Variants in TNRC6B observed in about 807,000 individuals in gnomAD.
The protein encoded by TNRC6B is trinucleotide repeat containing adaptor 6B, also known as trinucleotide repeat-containing gene 6B protein.
TNRC6B carries 52 observed loss-of-function variants against 203.6 expected under a neutral mutation model. The observed-to-expected ratio is 0.26, with a 90% CI of 0.20 to 0.32. TNRC6B has a LOEUF of 0.32. Among genes scored for constraint, TNRC6B ranks in the 10% least tolerant of loss-of-function variants. TNRC6B has a pLI of 1.00. For synonymous variants in TNRC6B, 838 were observed against 845.7 expected (o/e 0.99, Z 0.16); for missense variants, 1,923 against 2,286.2 (o/e 0.84, Z 3.24).
intron 2 of TNRC6B, among the ~76,000 whole-genome samples, chr22:40,250,388 C>T (rs1159119497): frequency 6.6e-6 from 1 of 152,166 alleles, no homozygotes; most frequent in Non-Finnish European, 1.5e-5. Context: ...AAGTCCATTA[C>T]TATGTTCAGC....
At chr22:40,194,369 C>T (rs2069310692) in intron 1 of TNRC6B, among the ~76,000 whole-genome samples, 1 of 152,122 alleles carries the variant, frequency 6.6e-6, no homozygotes, top group African/African-American at 2.4e-5. Context: ...GAAGTGACCC[C>T]GATGGCCTCG....
intron 1 of TNRC6B, among the ~76,000 whole-genome samples, chr22:40,192,800 G>A (rs191354921): frequency 6.6e-6 from 1 of 152,300 alleles, no homozygotes; most frequent in East Asian, 1.9e-4. Flanking sequence ...GGGATGAACA[G>A]CAGGGGTAGA....
rs1555884426 is a variant in TNRC6B, at chr22:40,130,779, T to TCAAA, written c.45+4917_45+4918insCAAA. On this transcript the variant is annotated intron_variant, in intron 3 of 23. Transcript: ENST00000301923. ...GCCTGGGCGACAGGGAGACTCCGTC[T>TCAAA]AAAAAAAAAAAAAAAAAAAAAAAAT... Among the ~76,000 whole-genome samples the TCAAA allele has an allele frequency of 2.7e-3, 178 of 65,018 alleles. 47 individuals are homozygous for TCAAA. Among genetic ancestry groups the TCAAA allele is most frequent in the African/African-American group, 0.011 (160 of 15,234 alleles). 42.7% of individuals were successfully genotyped at this position (65,018 alleles called of 152,430 possible). A position where few individuals can be genotyped will look rare whatever the true frequency, so the allele number is the denominator to read the frequency against.
chr22:40,084,145 AG>A (rs1215544498), intron 1 of TNRC6B, among the ~76,000 whole-genome samples: 1 of 152,234 alleles, frequency 6.6e-6, no homozygotes, highest in Non-Finnish European at 1.5e-5. Context: ...GGTTCTTGCA[AG>A]TAAGTGATTA....
chr22:40,316,279 G>A (rs575754966), intron 21 of TNRC6B, among the ~76,000 whole-genome samples: 21 of 151,868 alleles, frequency 1.4e-4, no homozygotes, highest in South Asian at 4.2e-4. Context: ...GCGTGAACCC[G>A]GGAGGCGGAG....
intron 1 of TNRC6B, among the ~76,000 whole-genome samples, chr22:40,202,260 G>GTTTTTGTTTTTTTGTTTTTTT (rs761983025): frequency 7.7e-6 from 1 of 129,778 alleles, no homozygotes. Flanking sequence ...TTGTTTTTTT[G>GTTTTTGTTTTTTTGTTTTTTT]TTTTTTTTTT....
chr22:40,307,203 C>G (rs2071097976), intron 15 of TNRC6B, among the ~76,000 whole-genome samples: 1 of 152,248 alleles, frequency 6.6e-6, no homozygotes, highest in African/African-American at 2.4e-5. Flanking sequence ...CTATCCCAGA[C>G]AACTAGGATA....
rs200861275 is a variant in TNRC6B at position 40,075,137 on chromosome 22, C to CATATATATATATATAT, written c.-121+30144_-121+30159dup. On this transcript the variant is annotated intron_variant, in intron 1 of 23. Transcript: ENST00000301923. The stretch of plus-strand genomic sequence containing the variant: ...AGCCAAGTTGATTGTTGGTTCTGTT[C>CATATATATATATATAT]ATATATATATATATATATATTTTTT... Among the ~76,000 whole-genome samples the CATATATATATATATAT allele has an allele frequency of 3.5e-4, 21 of 59,790 alleles. 1 individual carries two copies. Among genetic ancestry groups the CATATATATATATATAT allele is most frequent in the South Asian group, 1.4e-3 (2 of 1,472 alleles). 39.2% of individuals were successfully genotyped at this position (59,790 alleles called of 152,430 possible).
chr22:40,262,098 A>G lies in TNRC6B; in HGVS notation c.382A>G (p.Thr128Ala). 1 of 1,545,796 alleles carries G rather than the reference A, an allele frequency of 6.5e-7. No individual in the cohort carries two copies. The highest frequency in any genetic ancestry group is 8.8e-7 in the Non-Finnish European group (1 of 1,132,098). ...LGGGAGPPPCTAPGANPNNAQ... is the reference protein window; with the variant it reads ...LGGGAGPPPCAAPGANPNNAQ... ...GGGTGGGGCAGGGCCTCCTCCCTGC[A>G]CAGCACCTGGAGCAAACCCAAACAA... Residue 128 changes from threonine (T) to alanine (A), a missense_variant, in exon 4 of 23, where the codon ACA becomes GCA. Physicochemically the swap from Thr to Ala is moderately conservative, Grantham distance 58 (BLOSUM62 0). This residue lies in a region of TNRC6B where 614 missense variants were observed against 587.7 expected (regional missense o/e 1.04). Coordinates refer to ENST00000454349, the MANE Select transcript of TNRC6B (RefSeq NM_001162501.2).
intron 1 of TNRC6B, among the ~76,000 whole-genome samples, chr22:40,208,639 G>T (rs934115519): frequency 6.6e-6 from 1 of 152,134 alleles, no homozygotes; most frequent in Non-Finnish European, 1.5e-5. Context: ...GGAAAGGTGG[G>T]ATTATACAGG....
Position 40,329,707 on chromosome 22 carries a change from G to C in TNRC6B, c.*6466G>C, listed in dbSNP as rs907574825. ...CTGCCCGCATGCGTGTGGCCACCGG[G>C]ACCAGATCCCGAGTGATTGTGGCAT... On this transcript the variant is annotated 3_prime_UTR_variant, in exon 23 of 23. Transcript: ENST00000454349. 1 of 152,104 alleles carries C rather than the reference G, an allele frequency of 6.6e-6. No individual in the cohort carries two copies. The highest frequency in any genetic ancestry group is 1.5e-5 in the Non-Finnish European group (1 of 68,024). The allele number at this position is 152,104 out of a possible 1,614,324, so 9.4% of individuals were successfully genotyped here.
At chr22:40,150,239 G>A (rs1341028974) in intron 3 of TNRC6B, among the ~76,000 whole-genome samples, 1 of 152,136 alleles carries the variant, frequency 6.6e-6, no homozygotes, top group Non-Finnish European at 1.5e-5. Context: ...TTAGCCAGGC[G>A]TGGTCGTGGG....
chr22:40,112,123 G>A (rs2146313771), intron 1 of TNRC6B, among the ~76,000 whole-genome samples: 1 of 152,142 alleles, frequency 6.6e-6, no homozygotes, highest in Admixed American at 6.5e-5. Context: ...CAAAAGGATG[G>A]GTGTGTAATA....
At chr22:40,243,336 G>A (rs1012482625) in intron 1 of TNRC6B, among the ~76,000 whole-genome samples, 1 of 152,128 alleles carries the variant, frequency 6.6e-6, no homozygotes, top group Non-Finnish European at 1.5e-5. Context: ...TTCTTCCTAA[G>A]GAAGTGAAAT....
At chr22:40,269,340 G>C (rs1269826247) in intron 5 of TNRC6B, among the ~76,000 whole-genome samples, 3 of 151,674 alleles carry the variant, frequency 2.0e-5, no homozygotes, top group Non-Finnish European at 2.9e-5. Context: ...TGCCATGTGG[G>C]TCTGGCTAGT....
intron 7 of TNRC6B, among the ~76,000 whole-genome samples, 196 bp downstream of exon 7, chr22:40,273,796 A>C (rs1485454645): frequency 6.6e-6 from 1 of 152,114 alleles, no homozygotes; most frequent in African/African-American, 2.4e-5. Context: ...TAGTAGCCGG[A>C]ACTATCACCA....
intron 1 of TNRC6B, among the ~76,000 whole-genome samples, chr22:40,094,812 G>A (rs1209580469): frequency 6.6e-6 from 1 of 152,168 alleles, no homozygotes; most frequent in Non-Finnish European, 1.5e-5. Context: ...TTCTGCAGGT[G>A]CTTTTTGAAA....
chr22:40,069,779 C>T (rs531601799), intron 1 of TNRC6B, among the ~76,000 whole-genome samples: 3 of 152,232 alleles, frequency 2.0e-5, no homozygotes, highest in South Asian at 2.1e-4. Flanking sequence ...TGAGGCACTG[C>T]GCCCGGCCGA....
upstream of TNRC6B, among the ~76,000 whole-genome samples, chr22:40,175,913 A>T (rs1383342709): frequency 1.3e-5 from 2 of 152,230 alleles, no homozygotes; most frequent in African/African-American, 4.8e-5. Flanking sequence ...GACTGTATAA[A>T]GACCCAGAAG....
Sources: gnomAD v4.1 joint callset for allele counts (sites outside exome capture counted in the v4.1 genomes callset) on GRCh38, gnomAD v4.1.1 for gene constraint, gnomAD v4.1.1 regional missense constraint, MANE v1.5 for transcripts, NCBI Gene and HGNC (gene_info 2026-07-23, HGNC 2026-07-21) for gene names.